Variants in ANKS1B observed in about 807,000 individuals in gnomAD.
ANKS1B encodes ankyrin repeat and sterile alpha motif domain-containing protein 1B.
ANKS1B carries 36 observed loss-of-function variants against 148.3 expected under a neutral mutation model. The observed-to-expected ratio is 0.24, with a 90% CI of 0.19 to 0.32. The LOEUF is 0.32. Ranked by LOEUF, ANKS1B falls within the 10% of genes least tolerant of loss-of-function variation. ANKS1B has a pLI of 1.00. For synonymous variants in ANKS1B, 542 were observed against 560.8 expected (o/e 0.97, Z 0.47); for missense variants, 1,157 against 1,542.6 (o/e 0.75, Z 4.19).
At chr12:99,869,886 T>C (rs2091277126) in intron 1 of ANKS1B, among the ~76,000 whole-genome samples, 3 of 152,222 alleles carry the variant, frequency 2.0e-5, no homozygotes, top group South Asian at 2.1e-4. Flanking sequence ...ATGACCTTTA[T>C]ATAAGCAAAA....
chr12:99,412,299 C>A (rs1329655117), intron 11 of ANKS1B, among the ~76,000 whole-genome samples: 1 of 152,162 alleles, frequency 6.6e-6, no homozygotes, highest in Non-Finnish European at 1.5e-5. Context: ...ATACCTAGGG[C>A]ACTGTCCCCA....
At chr12:99,541,366 C>T (rs1827171144) in intron 9 of ANKS1B, among the ~76,000 whole-genome samples, 1 of 152,132 alleles carries the variant, frequency 6.6e-6, no homozygotes, top group Admixed American at 6.5e-5. Context: ...TAAATGTAGA[C>T]ACAACAACCT....
chr12:99,525,172 T>C (rs2096914786), intron 9 of ANKS1B, among the ~76,000 whole-genome samples: 1 of 152,076 alleles, frequency 6.6e-6, no homozygotes, highest in African/African-American at 2.4e-5. Context: ...AATGCAATAA[T>C]ATACCAGCAG....
intron 2 of ANKS1B, among the ~76,000 whole-genome samples, chr12:99,824,777 C>T (rs1010673976): frequency 1.3e-4 from 20 of 152,244 alleles, no homozygotes; most frequent in African/African-American, 4.6e-4. Flanking sequence ...TTATTTGAAA[C>T]AGTTTTACTT....
intron 11 of ANKS1B, among the ~76,000 whole-genome samples, chr12:99,419,341 G>T (rs949069309): frequency 6.6e-6 from 1 of 152,130 alleles, no homozygotes; most frequent in Non-Finnish European, 1.5e-5. Flanking sequence ...GTGGTAGTTT[G>T]TTTTAATAAT....
At chr12:99,158,775 A>C (rs572160347) in intron 14 of ANKS1B, among the ~76,000 whole-genome samples, 1 of 152,128 alleles carries the variant, frequency 6.6e-6, no homozygotes. Context: ...CTTCCCTGCA[A>C]CTCATCTCCA....
At chr12:99,420,611 A>C (rs1309639118) in intron 11 of ANKS1B, among the ~76,000 whole-genome samples, 1 of 152,232 alleles carries the variant, frequency 6.6e-6, no homozygotes. Context: ...AATGCCCATT[A>C]ATAAAAGTTT....
chr12:99,704,208 T>C (rs1327279400), intron 8 of ANKS1B, among the ~76,000 whole-genome samples: 1 of 152,020 alleles, frequency 6.6e-6, no homozygotes, highest in Non-Finnish European at 1.5e-5. Flanking sequence ...CATCAAACAG[T>C]AAGGAAAGTC....
rs1314331164 is a variant in ANKS1B at position 98,814,333 on chromosome 12, G to T, written c.3067-6415C>A. Among the ~76,000 whole-genome samples, 4 of 152,168 alleles carry T rather than the reference G, an allele frequency of 2.6e-5. No homozygotes were observed. The South Asian group carries it at 8.3e-4, about 31-fold the overall frequency. ...AACACAGAAGGAACACATTTTTACC[G>T]AATGAATGGAATCATATAACACATT... On this transcript the variant is annotated intron_variant, in intron 19 of 26. Transcript: ENST00000683438.
At chr12:99,131,604 A>G (rs571742952) in intron 15 of ANKS1B, among the ~76,000 whole-genome samples, 1 of 152,314 alleles carries the variant, frequency 6.6e-6, no homozygotes, top group East Asian at 1.9e-4. Flanking sequence ...ACTTTTCAAT[A>G]GATACAGGCC....
At chr12:98,824,908 G>C (rs568190732) in intron 19 of ANKS1B, among the ~76,000 whole-genome samples, 2 of 152,146 alleles carry the variant, frequency 1.3e-5, no homozygotes, top group South Asian at 4.1e-4. Flanking sequence ...CTAAACTACT[G>C]TGATTTTCTC....
intron 8 of ANKS1B, among the ~76,000 whole-genome samples, chr12:99,747,900 C>T (rs1051431160): frequency 2.0e-5 from 3 of 152,146 alleles, no homozygotes; most frequent in Non-Finnish European, 4.4e-5. Context: ...AAAAGAAACA[C>T]ATGAGTACAC....
At chr12:98,990,873 G>A (rs2099926212) in intron 17 of ANKS1B, among the ~76,000 whole-genome samples, 1 of 151,270 alleles carries the variant, frequency 6.6e-6, no homozygotes, top group South Asian at 2.1e-4. Context: ...GCACCTGCTT[G>A]CGCTATATGC....
chr12:99,830,508 T>G (rs576545315), intron 1 of ANKS1B, among the ~76,000 whole-genome samples: 43 of 151,984 alleles, frequency 2.8e-4, no homozygotes, highest in Non-Finnish European at 4.9e-4. Flanking sequence ...CTACCAATTA[T>G]GAAAGCATAT....
chr12:99,252,433 G>A (rs560035292), intron 12 of ANKS1B, among the ~76,000 whole-genome samples: 22 of 152,262 alleles, frequency 1.4e-4, no homozygotes, highest in Non-Finnish European at 2.8e-4. Context: ...CACGGGGATA[G>A]TAAAAGAATA....
intron 8 of ANKS1B, among the ~76,000 whole-genome samples, chr12:99,763,997 G>C (rs1482802438): frequency 6.6e-6 from 1 of 152,092 alleles, no homozygotes; most frequent in African/African-American, 2.4e-5. Flanking sequence ...AAACTGGCGA[G>C]GTATTCATTA....
chr12:99,192,681 T>C (rs929615614), intron 14 of ANKS1B, among the ~76,000 whole-genome samples: 5 of 152,206 alleles, frequency 3.3e-5, no homozygotes, highest in African/African-American at 1.2e-4. Context: ...TATACAAATA[T>C]ATGTTGCCCA....
chr12:99,902,462 G>A (rs1044588149), intron 1 of ANKS1B, among the ~76,000 whole-genome samples: 5 of 152,154 alleles, frequency 3.3e-5, no homozygotes, highest in African/African-American at 4.8e-5. Flanking sequence ...AGCGAGCAAC[G>A]GAAATCCATT....
intron 3 of ANKS1B, among the ~76,000 whole-genome samples, chr12:99,810,125 T>C (rs1375600244): frequency 6.6e-6 from 1 of 152,048 alleles, no homozygotes; most frequent in Non-Finnish European, 1.5e-5. Context: ...GTCCTGAGTC[T>C]CAGTCTCAGT....
Sources: allele counts gnomAD v4.1 joint callset (sites outside exome capture counted in the v4.1 genomes callset), GRCh38; gene constraint gnomAD v4.1.1; transcripts MANE v1.5; gene names NCBI Gene and HGNC (gene_info 2026-07-23, HGNC 2026-07-21).